ADAMTS15: variants seen among roughly 807,000 people sequenced by gnomAD.
ADAMTS15 encodes ADAM metallopeptidase with thrombospondin type 1 motif 15.
In ADAMTS15, 35 loss-of-function variants were observed where a neutral mutation model predicts 79.1. The observed-to-expected ratio is 0.44, with a 90% CI of 0.34 to 0.59. The LOEUF (loss-of-function observed/expected upper bound fraction) is 0.59, where lower values mean the gene tolerates loss of function less well. ADAMTS15 is among the 20% of genes least tolerant of loss of function. The pLI is 0.02. For missense variants in ADAMTS15, 1,324 were observed against 1,318.7 expected (o/e 1.00, Z -0.06); for synonymous variants, 616 against 567.3 (o/e 1.09, Z -1.22).
At position 130,471,321 on chromosome 11, in the gene ADAMTS15, T is replaced by A; in HGVS notation, c.2016T>A (p.Cys672Ter). The A allele has an allele frequency of 6.2e-7, 1 of 1,612,766 alleles. No individual in the cohort carries two copies. The highest frequency in any genetic ancestry group is 1.1e-5 in the South Asian group (1 of 90,870). The change falls in exon 7 of 8, where the codon TGT (cysteine) becomes TGA (stop). Residue 672 changes from cysteine to a stop codon, truncating the protein, a stop_gained. Transcript: ENST00000299164. LOFTEE classifies it high-confidence loss of function. ...GCTCCAAGAAGAGATTCGACAAGTGTGGGGTGTGTGGGGGAGACAATAAGA... is the reference window on the plus strand; with the variant it reads ...GCTCCAAGAAGAGATTCGACAAGTGAGGGGTGTGTGGGGGAGACAATAAGA... ...NLGSKKRFDK[C>*]GVCGGDNKSC...
At position 130,473,530 on chromosome 11, in the gene ADAMTS15, C is replaced by T; in HGVS notation, c.2562C>T (p.Ser854=). The change falls in exon 8 of 8, where the codon AGC becomes AGT. Residue 854 remains serine, a synonymous_variant. Transcript: ENST00000299164. ...VAGSWGPCSA[S]CGSGLQKRAV... ...GCAGCTGGGGGCCGTGCTCCGCGAG[C>T]TGCGGCAGTGGCCTGCAGAAGCGGG... 1.2e-6 allele frequency: 2 copies of T among 1,607,230 alleles called. No homozygotes were observed. Among genetic ancestry groups the T allele is most frequent in the Non-Finnish European group, 1.7e-6 (2 of 1,176,332 alleles).
chr11:130,453,279 ATT>A (rs11381792), intron 1 of ADAMTS15, among the ~76,000 whole-genome samples: 4 of 132,852 alleles, frequency 3.0e-5, no homozygotes, highest in Non-Finnish European at 3.2e-5. Flanking sequence ...CTTTGGACTG[ATT>A]TTTTTTTTTT....
Position 130,473,695 on chromosome 11 carries a change from C to T in ADAMTS15, c.2727C>T (p.Cys909=), listed in dbSNP as rs573235282. 19 of 1,602,216 alleles carry T rather than the reference C, an allele frequency of 1.2e-5. No individual in the cohort carries two copies. The highest frequency in any genetic ancestry group is 6.7e-5 in the East Asian group (3 of 44,866). Residue 909 remains cysteine, a synonymous_variant, in exon 8 of 8, where the codon TGC becomes TGT. Transcript: ENST00000299164. ...LSAWSPCSKS[C]GRGFQRRSLK... is the part of the protein sequence containing the mutation. ...CCTGGTCACCCTGCTCCAAGAGCTG[C>T]GGCCGGGGATTTCAGAGGCGCTCAC...
At chr11:130,456,042 G>A (rs1010596451) in intron 1 of ADAMTS15, among the ~76,000 whole-genome samples, 9 of 152,130 alleles carry the variant, frequency 5.9e-5, no homozygotes, top group African/African-American at 1.9e-4. Context: ...CTCACTCTGC[G>A]CCCTTCCTCT....
At chr11:130,469,495 C>A in intron 5 of ADAMTS15, 56 bp downstream of exon 5, 2 of 1,260,578 alleles carry the variant, frequency 1.6e-6, no homozygotes. Flanking sequence ...GCTGGAGGTC[C>A]CCCCACCCCA....
At chr11:130,460,293 T>A (rs1938172711) in intron 1 of ADAMTS15, among the ~76,000 whole-genome samples, 1 of 129,062 alleles carries the variant, frequency 7.7e-6, no homozygotes, top group Non-Finnish European at 1.7e-5. Context: ...TTTTTTTTTT[T>A]GAGACGGAGT....
intron 1 of ADAMTS15, among the ~76,000 whole-genome samples, chr11:130,454,028 G>T (rs958504255): frequency 6.6e-6 from 1 of 152,152 alleles, no homozygotes; most frequent in African/African-American, 2.4e-5. Flanking sequence ...GTGTTGCCCA[G>T]GCTGGTCTCA....
intron 5 of ADAMTS15, among the ~76,000 whole-genome samples, chr11:130,470,156 A>ATATATATATATATATATATATATGTGTG (rs1938403100): frequency 2.3e-5 from 1 of 44,418 alleles, no homozygotes; most frequent in Non-Finnish European, 4.6e-5. Context: ...ATATATGTGT[A>ATATATATATATATATATATATATGTGTG]TATATATATA....
chr11:130,473,782 G>T lies in ADAMTS15; in HGVS notation c.2814G>T (p.Lys938Asn). 1 of 1,598,784 alleles carries T rather than the reference G, an allele frequency of 6.3e-7. No homozygotes were observed. The highest frequency in any genetic ancestry group is 8.5e-7 in the Non-Finnish European group (1 of 1,179,582). The part of the protein sequence containing the change: ...LARDQCNLHR[K>N]PQELDFCVLR... Reference sequence around the variant, plus strand: ...GGGACCAGTGCAACTTGCACCGCAAGCCCCAGGAGCTGGACTTCTGCGTCC... The same window carrying T: ...GGGACCAGTGCAACTTGCACCGCAATCCCCAGGAGCTGGACTTCTGCGTCC... The change falls in exon 8 of 8, where the codon AAG becomes AAT. Residue 938 changes from lysine to asparagine, a missense_variant. Lys to Asn is a moderately conservative substitution (Grantham distance 94). Coordinates refer to ENST00000299164, the MANE Select transcript of ADAMTS15 (RefSeq NM_139055.4).
In ADAMTS15 at chr11:130,462,634, A is replaced by G. The variant is rs200241369; in HGVS notation, c.1396A>G (p.Thr466Ala). 1 of 1,613,880 alleles carries G rather than the reference A, an allele frequency of 6.2e-7. No homozygotes were observed. The highest frequency in any genetic ancestry group is 8.5e-7 in the Non-Finnish European group (1 of 1,179,862). Residue 466 changes from threonine to alanine, a missense_variant, in exon 4 of 8, where the codon ACC becomes GCC. Coordinates refer to ENST00000299164, the MANE Select transcript of ADAMTS15 (RefSeq NM_139055.4). The surrounding 1 kb of genome is among the most constrained non-coding windows in gnomAD (Gnocchi z 4.3). ...SKPCPYMQYC[T>A]KLWCTGKAKG... ...GCCCTGTCCTTACATGCAGTACTGC[A>G]CCAAGCTGTGGTGCACCGGGAAGGC...
In ADAMTS15 at chr11:130,472,057, C is replaced by G. The variant is rs1361599129; in HGVS notation, c.2078+674C>G. 6.6e-6 allele frequency among the ~76,000 whole-genome samples: 1 copy of G among 152,216 alleles called. No individual in the cohort carries two copies. Among genetic ancestry groups the G allele is most frequent in the African/African-American group, 2.4e-5 (1 of 41,462 alleles). On this transcript the variant is annotated intron_variant, in intron 7 of 7. Coordinates refer to ENST00000299164, the MANE Select transcript of ADAMTS15 (RefSeq NM_139055.4). The surrounding 1 kb of genome is among the most constrained non-coding windows in gnomAD (Gnocchi z 4.7). The stretch of plus-strand genomic sequence containing the variant: ...GTCCCAACTTCAGAATCTGGGCCTC[C>G]CAGCTTGAGCTTCCTGAGGTCAAAC...
At position 130,476,075 on chromosome 11, in the gene ADAMTS15, C is replaced by T. The variant is rs957361401; in HGVS notation, c.*2254C>T. The T allele has an allele frequency of 1.3e-5, 2 of 152,210 alleles. No homozygotes were observed. The highest frequency in any genetic ancestry group is 2.9e-5 in the Non-Finnish European group (2 of 68,042). The allele number at this position is 152,210 out of a possible 1,614,324, so 9.4% of individuals were successfully genotyped here. On this transcript the variant is annotated 3_prime_UTR_variant, in exon 8 of 8. Coordinates refer to ENST00000299164, the MANE Select transcript of ADAMTS15 (RefSeq NM_139055.4). ...TTTTCTTCTTTCCCTTTTTAAAAGA[C>T]GCATGACCAAGACAACCTAGGGAGT... is the stretch of plus-strand genomic sequence containing the variant.
intron 1 of ADAMTS15, among the ~76,000 whole-genome samples, chr11:130,454,980 C>T (rs368823094): frequency 6.6e-6 from 1 of 152,058 alleles, no homozygotes; most frequent in South Asian, 2.1e-4. Context: ...TTCCTTGACA[C>T]CTTGACTCGA....
In ADAMTS15 at chr11:130,475,431, A is replaced by T. The variant is rs1938562036; in HGVS notation, c.*1610A>T. The T allele has an allele frequency of 1.3e-5, 2 of 152,262 alleles. No individual in the cohort carries two copies. The highest frequency in any genetic ancestry group is 2.9e-5 in the Non-Finnish European group (2 of 68,062). The allele number at this position is 152,262 out of a possible 1,614,324, so 9.4% of individuals were successfully genotyped here. A position where few individuals can be genotyped will look rare whatever the true frequency, so the allele number is the denominator to read the frequency against. ...AGATGCCCCACTGTGTACATGGGAT[A>T]TTCTGCTTCTGAGTGTAGGTGATGA... On this transcript the variant is annotated 3_prime_UTR_variant, in exon 8 of 8. Transcript: ENST00000299164.
Position 130,448,893 on chromosome 11 carries a change from G to A in ADAMTS15, c.-81G>A, listed in dbSNP as rs1256771065. ...CGTAGCGTTGGCGGTTCCAGAGTGC[G>A]GGCTGCACGGAGACCGCGGCAGCGG... On this transcript the variant is annotated 5_prime_UTR_variant, in exon 1 of 8. Coordinates refer to ENST00000299164, the MANE Select transcript of ADAMTS15 (RefSeq NM_139055.4). 2 of 1,140,754 alleles carry A rather than the reference G, an allele frequency of 1.8e-6. No homozygotes were observed. Among genetic ancestry groups the A allele is most frequent in the Non-Finnish European group, 2.3e-6 (2 of 853,556 alleles). The allele number at this position is 1,140,754 out of a possible 1,614,324, so 70.7% of individuals were successfully genotyped here. A position where few individuals can be genotyped will look rare whatever the true frequency, so the allele number is the denominator to read the frequency against.
chr11:130,467,469 CA>C (rs1202394403), intron 4 of ADAMTS15, among the ~76,000 whole-genome samples: 3 of 152,076 alleles, frequency 2.0e-5, no homozygotes, highest in Non-Finnish European at 4.4e-5. Context: ...CAGATTTTGA[CA>C]AAATGAAACA....
Position 130,457,772 on chromosome 11 carries a change from C to A in ADAMTS15, c.958-3717C>A, listed in dbSNP as rs151193593. ...TTTTGATGCCACAAAGGAGGCACTG[C>A]TGGGCCCCTGTATAAGCACTCGTAG... On this transcript the variant is annotated intron_variant, in intron 1 of 7. Coordinates refer to ENST00000299164, the MANE Select transcript of ADAMTS15 (RefSeq NM_139055.4). Among the ~76,000 whole-genome samples the A allele has an allele frequency of 3.0e-3, 455 of 152,270 alleles. 2 individuals carry two copies. Among genetic ancestry groups the A allele is most frequent in the African/African-American group, 0.011 (445 of 41,548 alleles).
chr11:130,453,145 A>G (rs1180630248), intron 1 of ADAMTS15, among the ~76,000 whole-genome samples: 1 of 152,192 alleles, frequency 6.6e-6, no homozygotes, highest in African/African-American at 2.4e-5. Flanking sequence ...GAAGTGCTCC[A>G]AGGGACGGGA....
chr11:130,473,017 C>A, intron 7 of ADAMTS15, 30 bp from the exon 8 acceptor site: 4 of 1,608,610 alleles, frequency 2.5e-6, no homozygotes, highest in Non-Finnish European at 2.5e-6. Flanking sequence ...AGGCTTCTAT[C>A]TGATGCACGG....
Sources: gnomAD v4.1 joint callset for allele counts (sites outside exome capture counted in the v4.1 genomes callset) on GRCh38, gnomAD v4.1.1 for gene constraint, Gnocchi (gnomAD v3.1) non-coding constraint, MANE v1.5 for transcripts, NCBI Gene and HGNC (gene_info 2026-07-23, HGNC 2026-07-21) for gene names.